Variants in CREB3L2 observed in about 807,000 individuals in gnomAD.
CREB3L2 encodes cAMP responsive element binding protein 3 like 2.
In CREB3L2, 23 loss-of-function variants were observed where a neutral mutation model predicts 57.2. The ratio of observed to expected loss-of-function variants is 0.40; its 90% CI spans 0.29 to 0.57. CREB3L2 has a LOEUF of 0.57. Ranked by LOEUF, CREB3L2 falls within the 20% of genes least tolerant of loss-of-function variation. CREB3L2 has a pLI of 0.42. For missense variants in CREB3L2, 628 were observed against 634.7 expected (o/e 0.99, Z 0.11); for synonymous variants, 268 against 265.1 (o/e 1.01, Z -0.11).
At chr7:137,969,246 A>T (rs1801458913) in intron 1 of CREB3L2, among the ~76,000 whole-genome samples, 1 of 152,176 alleles carries the variant, frequency 6.6e-6, no homozygotes, top group South Asian at 2.1e-4. Context: ...GTGGCTATAA[A>T]GGACATTTTG....
At chr7:137,944,902 A>T (rs1427442977) in intron 1 of CREB3L2, among the ~76,000 whole-genome samples, 7 of 149,694 alleles carry the variant, frequency 4.7e-5, no homozygotes, top group South Asian at 2.1e-4. Context: ...TTTATTTTTT[A>T]TTTTTTTTGA....
At chr7:137,913,334 C>T (rs1441946616) in intron 3 of CREB3L2, among the ~76,000 whole-genome samples, 3 of 151,654 alleles carry the variant, frequency 2.0e-5, no homozygotes, top group African/African-American at 4.8e-5. Flanking sequence ...AGTGAGACAA[C>T]GTCTCCCCAA....
rs552422015 is a variant in CREB3L2, at chr7:137,995,725, G to A, written c.102+5879C>T. Reference sequence around the variant, plus strand: ...CATTTTCAGTTACTTCTAGCTGCAAGCACTGTAATTAATTCAATTATTAAT... The same window carrying A: ...CATTTTCAGTTACTTCTAGCTGCAAACACTGTAATTAATTCAATTATTAAT... On this transcript the variant is annotated intron_variant, in intron 1 of 11. Transcript: ENST00000330387. Among the ~76,000 whole-genome samples the A allele has an allele frequency of 4.6e-5, 7 of 152,254 alleles. No homozygotes were observed. The South Asian group carries it at 1.4e-3, about 32-fold the overall frequency.
chr7:137,885,117 A>G lies in CREB3L2; in HGVS notation c.1148T>C (p.Val383Ala), dbSNP rs1015321578. 5 of 1,613,970 alleles carry G rather than the reference A, an allele frequency of 3.1e-6. No individual in the cohort carries two copies. The African/African-American group carries it at 6.7e-5, about 22-fold the overall frequency. The stretch of plus-strand genomic sequence containing the variant: ...GAATGCAACGGCAAAGCACAGCACC[A>G]CAACCTGTGGGAGAGAAAGAGGGGA... ...GTQTGTCLMV[V>A]VLCFAVAFGS... Residue 383 changes from valine (V) to alanine (A), a missense_variant, in exon 10 of 12, where the codon GTG becomes GCG. Physicochemically the swap from Val to Ala is moderately conservative, Grantham distance 64 (BLOSUM62 0). Around this residue, in one of 3 missense-constraint regions of CREB3L2, gnomAD observed 272 missense variants for 242.7 expected, o/e 1.12. Coordinates refer to ENST00000330387, the MANE Select transcript of CREB3L2 (RefSeq NM_194071.4).
rs1801685807 is a variant in CREB3L2 at position 137,980,052 on chromosome 7, A to G, written c.102+21552T>C. Among the ~76,000 whole-genome samples the G allele has an allele frequency of 6.6e-6, 1 of 152,218 alleles. No homozygotes were observed. Among genetic ancestry groups the G allele is most frequent in the African/African-American group, 2.4e-5 (1 of 41,466 alleles). On this transcript the variant is annotated intron_variant, in intron 1 of 11. Transcript: ENST00000330387. This position sits in a 1 kb window ranked among gnomAD's most constrained non-coding sequence, Gnocchi z 4.3. ...AGCAGTTCTCAAATTTTACATGCAC[A>G]TGGATCATCTGGGGATCTTCAGATT...
intron 1 of CREB3L2, among the ~76,000 whole-genome samples, chr7:137,962,748 CAT>C (rs1444568196): frequency 2.6e-5 from 4 of 152,174 alleles, no homozygotes; most frequent in Admixed American, 6.5e-5. Context: ...CTGCACTACA[CAT>C]GAGTTCCATG....
intron 1 of CREB3L2, among the ~76,000 whole-genome samples, chr7:137,964,950 G>A (rs1278975590): frequency 1.3e-5 from 2 of 152,060 alleles, no homozygotes; most frequent in Admixed American, 6.6e-5. Context: ...CACGTAAGAC[G>A]TGCCTTTTGC....
intron 4 of CREB3L2, among the ~76,000 whole-genome samples, chr7:137,911,258 TACTAAGTATTATTTC>T (rs1799999270): frequency 6.6e-6 from 1 of 152,238 alleles, no homozygotes; most frequent in African/African-American, 2.4e-5. Context: ...AAGTATTATT[TACTAAGTATTATTTC>T]ACTAAGTATT....
intron 1 of CREB3L2, among the ~76,000 whole-genome samples, chr7:137,982,550 C>T (rs1418388142): frequency 6.6e-6 from 1 of 152,180 alleles, no homozygotes; most frequent in Non-Finnish European, 1.5e-5. Context: ...GTGAATAAGT[C>T]TCACAAGATC....
intron 1 of CREB3L2, among the ~76,000 whole-genome samples, chr7:137,993,427 T>C (rs1377232515): frequency 6.6e-6 from 1 of 152,214 alleles, no homozygotes; most frequent in Non-Finnish European, 1.5e-5. Flanking sequence ...CAAGAAAAGA[T>C]ATCAACACTG....
intron 7 of CREB3L2, among the ~76,000 whole-genome samples, chr7:137,902,662 T>C (rs1356551542): frequency 3.3e-5 from 5 of 152,242 alleles, no homozygotes; most frequent in Non-Finnish European, 7.3e-5. Flanking sequence ...GTAGTATTTG[T>C]ATATAACCTT....
At chr7:137,882,381 G>C in intron 11 of CREB3L2, 31 bp downstream of exon 11, 1 of 1,546,696 alleles carries the variant, frequency 6.5e-7, no homozygotes, top group East Asian at 2.3e-5. Flanking sequence ...CAGTGCACTA[G>C]AGGAGTTGGC....
intron 1 of CREB3L2, among the ~76,000 whole-genome samples, chr7:137,945,306 G>A (rs924346162): frequency 2.0e-5 from 3 of 152,136 alleles, no homozygotes; most frequent in Non-Finnish European, 2.9e-5. Context: ...GTGTTAATAC[G>A]GTTTTTTAAT....
chr7:137,962,798 C>T (rs1801348575), intron 1 of CREB3L2, among the ~76,000 whole-genome samples: 1 of 152,228 alleles, frequency 6.6e-6, no homozygotes, highest in Admixed American at 6.5e-5. Flanking sequence ...ACTGCTACAA[C>T]AGCACCCAGA....
chr7:137,927,994 C>T (rs571158418), intron 2 of CREB3L2, among the ~76,000 whole-genome samples, 156 bp downstream of exon 2: 1 of 152,120 alleles, frequency 6.6e-6, no homozygotes, highest in South Asian at 2.1e-4. Flanking sequence ...GGCCTCTTTG[C>T]TTTTCCCCAC....
chr7:137,996,992 A>G (rs1240097607), intron 1 of CREB3L2, among the ~76,000 whole-genome samples: 1 of 152,202 alleles, frequency 6.6e-6, no homozygotes, highest in Non-Finnish European at 1.5e-5. Flanking sequence ...AGAAAGGAGA[A>G]CATTATCAAG....
Position 137,875,207 on chromosome 7 carries a change from C to T in CREB3L2, c.*5269G>A, listed in dbSNP as rs1432442552. On this transcript the variant is annotated 3_prime_UTR_variant, in exon 12 of 12. Transcript: ENST00000330387. ...TTTAAACACTGCTGGTCTACGTAACCTGTTACAAAAGAGAGCAAAACCTAA... is the reference window on the plus strand; with the variant it reads ...TTTAAACACTGCTGGTCTACGTAACTTGTTACAAAAGAGAGCAAAACCTAA... 4.7e-6 allele frequency: 1 copy of T among 213,828 alleles called. No homozygotes were observed. The highest frequency in any genetic ancestry group is 9.5e-6 in the Non-Finnish European group (1 of 105,658). 13.2% of individuals were successfully genotyped at this position (213,828 alleles called of 1,614,324 possible).
At chr7:137,955,533 A>G (rs1431177842) in intron 1 of CREB3L2, among the ~76,000 whole-genome samples, 1 of 152,196 alleles carries the variant, frequency 6.6e-6, no homozygotes. Flanking sequence ...TTATTGTTCT[A>G]ATTGGAAGAT....
chr7:137,972,684 C>CAAAAAAAAAAA, intron 1 of CREB3L2, among the ~76,000 whole-genome samples: 1 of 9,646 alleles, frequency 1.0e-4, no homozygotes, highest in Non-Finnish European at 2.3e-4. Context: ...CCCGTCTCTA[C>CAAAAAAAAAAA]AAAAAAAAAA....
Sources: gnomAD v4.1 joint callset for allele counts (sites outside exome capture counted in the v4.1 genomes callset) on GRCh38, gnomAD v4.1.1 for gene constraint, gnomAD v4.1.1 regional missense constraint, Gnocchi (gnomAD v3.1) non-coding constraint, MANE v1.5 for transcripts, NCBI Gene and HGNC (gene_info 2026-07-23, HGNC 2026-07-21) for gene names.